Variants in AEBP2 observed in about 807,000 individuals in gnomAD.
AEBP2 encodes the protein zinc finger protein AEBP2.
Under a neutral mutation model 50.8 loss-of-function variants are expected in AEBP2, and 10 were observed. The observed-to-expected ratio is 0.20, with a 90% CI of 0.12 to 0.33. AEBP2 has a LOEUF of 0.33. Among genes scored for constraint, AEBP2 ranks in the 10% least tolerant of loss-of-function variants. The probability of loss-of-function intolerance (pLI) is 1.00; values close to 1 mark genes in which losing one functional copy is unlikely to be tolerated. For synonymous variants in AEBP2, 296 were observed against 261.3 expected, an observed-to-expected ratio of 1.13 and a Z score of -1.28; for missense variants, 570 against 688.0, an observed-to-expected ratio of 0.83 and a Z score of 1.92.
At chr12:19,512,774 C>G (rs887218004) in intron 6 of AEBP2, among the ~76,000 whole-genome samples, 39 of 151,926 alleles carry the variant, frequency 2.6e-4, no homozygotes, top group African/African-American at 8.9e-4. Flanking sequence ...GTGGTAAAAC[C>G]CTGTCTCTAC....
At chr12:19,500,022 T>C in intron 4 of AEBP2, 75 bp from the exon 5 acceptor site, 3 of 1,332,972 alleles carry the variant, frequency 2.3e-6, no homozygotes, top group Non-Finnish European at 3.1e-6. Flanking sequence ...ATGTATTTGT[T>C]AATTGTTTCC....
intron 1 of AEBP2, among the ~76,000 whole-genome samples, chr12:19,406,778 C>T (rs1345841853): frequency 1.3e-5 from 2 of 152,052 alleles, no homozygotes; most frequent in African/African-American, 4.8e-5. Context: ...TCACCAAATT[C>T]AAGATCATCT....
chr12:19,460,151 A>G (rs750897793), intron 1 of AEBP2, among the ~76,000 whole-genome samples: 2 of 152,106 alleles, frequency 1.3e-5, no homozygotes, highest in South Asian at 2.1e-4. Flanking sequence ...CAAGGCTGCA[A>G]TGAGCCGTGA....
intron 1 of AEBP2, among the ~76,000 whole-genome samples, chr12:19,450,119 C>A (rs1468292093): frequency 6.6e-6 from 1 of 152,080 alleles, no homozygotes; most frequent in African/African-American, 2.4e-5. Context: ...AATCAGGTAG[C>A]CTTACAGAAT....
At chr12:19,463,353 ATATT>A (rs1316980592) in intron 2 of AEBP2, among the ~76,000 whole-genome samples, 2 of 152,234 alleles carry the variant, frequency 1.3e-5, no homozygotes, top group Non-Finnish European at 2.9e-5. Flanking sequence ...ATGTGCCAAA[ATATT>A]AATTTATACA....
intron 1 of AEBP2, among the ~76,000 whole-genome samples, chr12:19,455,639 T>C (rs969458877): frequency 1.3e-5 from 2 of 152,190 alleles, no homozygotes; most frequent in Non-Finnish European, 2.9e-5. Context: ...GATGTATGAG[T>C]GAGACAGGCT....
rs367558879 is a variant in AEBP2 at position 19,446,922 on chromosome 12, CAAAAAACA to C, written c.671+6575_671+6582del. ...AACCTGGGTGACAGCAAGACTCTCACAAAAAACAAAAAAACAAAAAAACAAAAAAATTA... is the reference window on the plus strand; with the variant it reads ...AACCTGGGTGACAGCAAGACTCTCACAAAAAACAAAAAAACAAAAAAATTA... On this transcript the variant is annotated intron_variant, in intron 1 of 7. Coordinates refer to ENST00000266508, the MANE Select transcript of AEBP2 (RefSeq NM_153207.5). Among the ~76,000 whole-genome samples the C allele has an allele frequency of 5.1e-3, 766 of 151,118 alleles. 6 individuals are homozygous for C. The highest frequency in any genetic ancestry group is 0.017 in the Middle Eastern group (5 of 294).
At chr12:19,507,173 G>A (rs1371775735) in intron 5 of AEBP2, among the ~76,000 whole-genome samples, 1 of 152,162 alleles carries the variant, frequency 6.6e-6, no homozygotes, top group Non-Finnish European at 1.5e-5. Context: ...GAGAAAGTTA[G>A]CATAAGGATT....
chr12:19,517,281 A>G (rs1214586695), intron 7 of AEBP2, among the ~76,000 whole-genome samples: 1 of 152,198 alleles, frequency 6.6e-6, no homozygotes, highest in African/African-American at 2.4e-5. Context: ...ACATGTCAAA[A>G]TGAAAGTATG....
intron 3 of AEBP2, among the ~76,000 whole-genome samples, chr12:19,484,187 G>T (rs993735446): frequency 3.5e-4 from 52 of 150,062 alleles, no homozygotes; most frequent in African/African-American, 1.3e-3. Flanking sequence ...CAGTTCAATT[G>T]ATTCTCATGC....
At chr12:19,423,822 CAG>C (rs2095747101) in intron 1 of AEBP2, among the ~76,000 whole-genome samples, 1 of 151,934 alleles carries the variant, frequency 6.6e-6, no homozygotes, top group Non-Finnish European at 1.5e-5. Context: ...GCCTGGGCGA[CAG>C]AGTGAGATTC....
At chr12:19,505,829 G>A (rs1021335202) in intron 5 of AEBP2, among the ~76,000 whole-genome samples, 1 of 152,176 alleles carries the variant, frequency 6.6e-6, no homozygotes, top group African/African-American at 2.4e-5. Context: ...AGGGTGAAAT[G>A]TGGTGGTATC....
chr12:19,432,775 A>C (rs1440373161), intron 1 of AEBP2, among the ~76,000 whole-genome samples: 1 of 152,094 alleles, frequency 6.6e-6, no homozygotes, highest in African/African-American at 2.4e-5. Context: ...AGAGCAGAGG[A>C]AGGGGTCCTG....
At chr12:19,516,646 G>T (rs906543562) in intron 7 of AEBP2, among the ~76,000 whole-genome samples, 1 of 152,132 alleles carries the variant, frequency 6.6e-6, no homozygotes, top group South Asian at 2.1e-4. Context: ...GATTCCACAA[G>T]TCTTGTTGAT....
intron 1 of AEBP2, among the ~76,000 whole-genome samples, chr12:19,432,637 T>A (rs1592710485): frequency 6.6e-6 from 1 of 151,990 alleles, no homozygotes; most frequent in Non-Finnish European, 1.5e-5. Context: ...GAGTCTACAG[T>A]GAGCCATGAT....
At chr12:19,515,942 A>G (rs1305531503) in intron 7 of AEBP2, among the ~76,000 whole-genome samples, 1 of 152,120 alleles carries the variant, frequency 6.6e-6, no homozygotes, top group South Asian at 2.1e-4. Context: ...TCTACAAAAA[A>G]TACATGGTGG....
intron 1 of AEBP2, chr12:19,456,498 A>G (rs1414988460): frequency 7.3e-6 from 11 of 1,507,202 alleles, no homozygotes; most frequent in Middle Eastern, 2.4e-4. Context: ...ATGGCGATCC[A>G]TCTTTTCCTT....
In AEBP2 at chr12:19,512,390, A is replaced by G; in HGVS notation, c.1300-8A>G. ...TGTTTTTATGATTTCTTTTCATGTC[A>G]TTATCAGGTAATAGCTAAGAGAAAA... On this transcript the variant is annotated splice_polypyrimidine_tract_variant and splice_region_variant and intron_variant, in intron 5 of 7. Transcript: ENST00000266508. 1.3e-6 allele frequency: 2 copies of G among 1,528,494 alleles called. No individual in the cohort carries two copies. Among genetic ancestry groups the G allele is most frequent in the African/African-American group, 1.4e-5 (1 of 72,376 alleles). 94.7% of individuals were successfully genotyped at this position (1,528,494 alleles called of 1,614,324 possible).
rs113030494 is a variant in AEBP2 at position 19,503,180 on chromosome 12, G to A, written c.1299+2959G>A. Among the ~76,000 whole-genome samples the A allele has an allele frequency of 2.9e-3, 438 of 152,190 alleles. 1 individual carries two copies. The highest frequency in any genetic ancestry group is 9.9e-3 in the African/African-American group (412 of 41,526). On this transcript the variant is annotated intron_variant, in intron 5 of 7. Coordinates refer to ENST00000266508, the MANE Select transcript of AEBP2 (RefSeq NM_153207.5). ...ATTGAATCTGTAAATTCCTTTGGGCGTTGTCACCATTTTAATGATACTGAT... is the reference window on the plus strand; with the variant it reads ...ATTGAATCTGTAAATTCCTTTGGGCATTGTCACCATTTTAATGATACTGAT...
Sources: allele counts gnomAD v4.1 joint callset (sites outside exome capture counted in the v4.1 genomes callset), GRCh38; gene constraint gnomAD v4.1.1; transcripts MANE v1.5; gene names NCBI Gene and HGNC (gene_info 2026-07-23, HGNC 2026-07-21).